AMPH: variants seen among roughly 807,000 people sequenced by gnomAD.
AMPH encodes the protein amphiphysin, also known as amphiphysin (Stiff-Mann syndrome with breast cancer 128kD autoantigen).
A neutral mutation model predicts 99.1 loss-of-function variants in AMPH; 49 were observed. That is an observed-to-expected ratio of 0.49 (90% confidence interval 0.39 to 0.63). The LOEUF (loss-of-function observed/expected upper bound fraction) is 0.63, where lower values mean the gene tolerates loss of function less well. AMPH is among the 20% of genes least tolerant of loss of function. AMPH has a pLI of 0.00. For missense variants in AMPH, 759 were observed against 863.4 expected (o/e 0.88, Z 1.52); for synonymous variants, 314 against 317.3 (o/e 0.99, Z 0.11).
At chr7:38,584,925 G>A (rs972290592) in intron 1 of AMPH, among the ~76,000 whole-genome samples, 3 of 152,114 alleles carry the variant, frequency 2.0e-5, no homozygotes, top group African/African-American at 4.8e-5. Context: ...TTTCTCCCAC[G>A]TGCTTCAAGC....
intron 11 of AMPH, among the ~76,000 whole-genome samples, chr7:38,438,841 G>A (rs1990585): frequency 0.62 from 93,472 of 151,550 alleles, 29,629 homozygotes; most frequent in East Asian, 0.86. Context: ...GCACATGTAC[G>A]TAATGTCTAG....
At chr7:38,556,191 A>G (rs778696395) in intron 1 of AMPH, among the ~76,000 whole-genome samples, 12 of 152,210 alleles carry the variant, frequency 7.9e-5, no homozygotes, top group Non-Finnish European at 1.5e-4. Flanking sequence ...AAAGAAAGCT[A>G]TTCAACAAAA....
intron 15 of AMPH, among the ~76,000 whole-genome samples, chr7:38,426,586 C>T (rs1298771561): frequency 6.6e-6 from 1 of 152,206 alleles, no homozygotes; most frequent in Non-Finnish European, 1.5e-5. Context: ...TTCTTTAGAA[C>T]AGCTGAATCC....
intron 15 of AMPH, among the ~76,000 whole-genome samples, chr7:38,423,857 C>A (rs1412395977): frequency 6.6e-6 from 1 of 152,200 alleles, no homozygotes; most frequent in Admixed American, 6.5e-5. Flanking sequence ...CACCAAGCAA[C>A]ATCCTTGCCT....
intron 17 of AMPH, among the ~76,000 whole-genome samples, chr7:38,416,268 C>T (rs868077858): frequency 2.2e-4 from 34 of 151,962 alleles, no homozygotes; most frequent in South Asian, 4.2e-4. Flanking sequence ...GGTATATGAA[C>T]ATGACACTCT....
chr7:38,492,129 C>T (rs28653747), intron 4 of AMPH, among the ~76,000 whole-genome samples: 5,646 of 152,312 alleles, frequency 0.037, 369 homozygotes, highest in African/African-American at 0.13. Flanking sequence ...ACTAACTGAA[C>T]CTCCCATTTT....
At chr7:38,627,401 A>AAAAAAAAAAAG (rs1794293779) in intron 1 of AMPH, among the ~76,000 whole-genome samples, 1 of 150,168 alleles carries the variant, frequency 6.7e-6, no homozygotes, top group Non-Finnish European at 1.5e-5. Context: ...AAAAAAAAAA[A>AAAAAAAAAAAG]TTAGCCGGAC....
At position 38,494,476 on chromosome 7, in the gene AMPH, T is replaced by A. The variant is rs1187252662; in HGVS notation, c.257A>T (p.Glu86Val). The change falls in exon 4 of 21, where the codon GAG (glutamate) becomes GTG (valine). Residue 86 changes from glutamate to valine, a missense_variant. By Grantham distance (121) the Glu-to-Val change is moderately radical. Transcript: ENST00000356264. ...ATCTTCCCGCCCATACCAGTCAGGCTCATAGACTTCATGCAGCGACTCTGT... is the reference window on the plus strand; with the variant it reads ...ATCTTCCCGCCCATACCAGTCAGGCACATAGACTTCATGCAGCGACTCTGT... ...KLTESLHEVY[E>V]PDWYGREDVK... 1 of 1,613,836 alleles carries A rather than the reference T, an allele frequency of 6.2e-7. No homozygotes were observed. Among genetic ancestry groups the A allele is most frequent in the East Asian group, 2.2e-5 (1 of 44,870 alleles).
chr7:38,434,536 G>A (rs1021710636), intron 12 of AMPH, among the ~76,000 whole-genome samples: 1 of 152,066 alleles, frequency 6.6e-6, no homozygotes, highest in Non-Finnish European at 1.5e-5. Flanking sequence ...TCAGGAGATC[G>A]AGACCATCCT....
At chr7:38,521,797 T>G (rs1413106812) in intron 2 of AMPH, among the ~76,000 whole-genome samples, 7 of 152,304 alleles carry the variant, frequency 4.6e-5, no homozygotes, top group Admixed American at 2.0e-4. Flanking sequence ...AGTAGTACAT[T>G]CTTTATTATC....
At chr7:38,439,002 G>A (rs997284686) in intron 11 of AMPH, among the ~76,000 whole-genome samples, 9 of 152,188 alleles carry the variant, frequency 5.9e-5, no homozygotes, top group African/African-American at 2.2e-4. Context: ...CTGGTGAGAG[G>A]TGACTGGATC....
intron 1 of AMPH, among the ~76,000 whole-genome samples, chr7:38,572,663 C>G (rs897845171): frequency 6.6e-6 from 1 of 152,192 alleles, no homozygotes; most frequent in African/African-American, 2.4e-5. Context: ...GAAGCCAGTC[C>G]ATGGGAAGCT....
chr7:38,538,394 T>A (rs1323994473), intron 1 of AMPH, among the ~76,000 whole-genome samples: 1 of 152,218 alleles, frequency 6.6e-6, no homozygotes, highest in Non-Finnish European at 1.5e-5. Flanking sequence ...TTCTAGGGAC[T>A]GTGATCTTTC....
At chr7:38,538,249 G>A (rs906181089) in intron 1 of AMPH, among the ~76,000 whole-genome samples, 1 of 152,130 alleles carries the variant, frequency 6.6e-6, no homozygotes, top group East Asian at 1.9e-4. Context: ...CATAATAAAT[G>A]TATTACATTA....
At chr7:38,454,425 GA>G (rs1187417829) in intron 11 of AMPH, among the ~76,000 whole-genome samples, 2 of 151,886 alleles carry the variant, frequency 1.3e-5, no homozygotes, top group Non-Finnish European at 2.9e-5. Context: ...ACACTGAGAA[GA>G]AATAGTATCA....
At chr7:38,394,407 C>T (rs1013735757) in intron 17 of AMPH, among the ~76,000 whole-genome samples, 193 bp from the exon 18 acceptor site, 10 of 152,218 alleles carry the variant, frequency 6.6e-5, no homozygotes, top group African/African-American at 9.6e-5. Context: ...CTGCTGAGCT[C>T]CCAACAATTC....
At chr7:38,515,393 TAA>T (rs1210725140) in intron 2 of AMPH, among the ~76,000 whole-genome samples, 1 of 152,156 alleles carries the variant, frequency 6.6e-6, no homozygotes, top group Non-Finnish European at 1.5e-5. Flanking sequence ...TCTGATTGTT[TAA>T]AAGTGTGTAG....
chr7:38,403,007 G>A (rs776918018), intron 17 of AMPH, among the ~76,000 whole-genome samples: 8 of 152,064 alleles, frequency 5.3e-5, no homozygotes, highest in Non-Finnish European at 2.9e-5. Flanking sequence ...ACATCCCAAT[G>A]ATAAATTTCA....
At position 38,392,090 on chromosome 7, in the gene AMPH, C is replaced by G. The variant is rs868194542; in HGVS notation, c.1609-73G>C. The G allele has an allele frequency of 2.7e-6, 4 of 1,505,100 alleles. No individual in the cohort carries two copies. In the African/African-American group the frequency reaches 4.1e-5, roughly 16 times the overall value. 93.2% of individuals were successfully genotyped at this position (1,505,100 alleles called of 1,614,324 possible). On this transcript the variant is annotated intron_variant, in intron 18 of 20. Coordinates refer to ENST00000356264, the MANE Select transcript of AMPH (RefSeq NM_001635.4). The stretch of plus-strand genomic sequence containing the variant: ...GAACCTCCTTGTCCTGCACAACCTG[C>G]CTTAGCCCCCAGCCCAAAGCTGGGG...
Sources: allele counts gnomAD v4.1 joint callset (sites outside exome capture counted in the v4.1 genomes callset), GRCh38; gene constraint gnomAD v4.1.1; transcripts MANE v1.5; gene names NCBI Gene and HGNC (gene_info 2026-07-23, HGNC 2026-07-21).